The following MEMO1 variants were observed in gnomAD, a reference collection of about 807,000 sequenced individuals.
MEMO1 encodes protein MEMO1.
MEMO1 carries 6 observed loss-of-function variants against 45.2 expected under a neutral mutation model. The observed-to-expected ratio is 0.13, with a 90% CI of 0.07 to 0.26. The LOEUF (loss-of-function observed/expected upper bound fraction) is 0.26. Among genes scored for constraint, MEMO1 ranks in the 10% least tolerant of loss-of-function variants. MEMO1 has a pLI of 1.00. For missense variants in MEMO1, 184 were observed against 370.5 expected (o/e 0.50, Z 4.13); for synonymous variants, 78 against 124.3 (o/e 0.63, Z 2.48).
At chr2:31,988,614 C>T (rs1282126721) in intron 2 of MEMO1, among the ~76,000 whole-genome samples, 2 of 152,166 alleles carry the variant, frequency 1.3e-5, no homozygotes, top group African/African-American at 2.4e-5. Flanking sequence ...GCAGTAGCAC[C>T]GAACTACAGT....
At chr2:31,895,364 A>C (rs148501417) in intron 6 of MEMO1, among the ~76,000 whole-genome samples, 1 of 152,356 alleles carries the variant, frequency 6.6e-6, no homozygotes, top group Non-Finnish European at 1.5e-5. Context: ...AAAGAACTAC[A>C]GGAAGCCATG....
rs541417308 is a variant in MEMO1 at position 32,002,958 on chromosome 2, G to A, written c.61+7229C>T. Among the ~76,000 whole-genome samples the A allele has an allele frequency of 4.6e-5, 7 of 152,180 alleles. No individual in the cohort carries two copies. In the South Asian group the frequency reaches 8.3e-4, roughly 18 times the overall value. On this transcript the variant is annotated intron_variant, in intron 2 of 9. Transcript: ENST00000404530. ...TCTGCAAGGTAAAATAATAGGATGGGATGCAAAGAAAAATCAGCATACAGA... is the reference window on the plus strand; with the variant it reads ...TCTGCAAGGTAAAATAATAGGATGGAATGCAAAGAAAAATCAGCATACAGA...
At chr2:31,878,377 T>C (rs1674872522) in intron 8 of MEMO1, among the ~76,000 whole-genome samples, 1 of 152,178 alleles carries the variant, frequency 6.6e-6, no homozygotes, top group African/African-American at 2.4e-5. Context: ...AGTAACATGA[T>C]CTGATTTAGA....
chr2:31,937,763 A>C (rs1665089700), intron 3 of MEMO1, among the ~76,000 whole-genome samples: 1 of 152,190 alleles, frequency 6.6e-6, no homozygotes, highest in African/African-American at 2.4e-5. Context: ...TAAATGTATA[A>C]GGGGGGCTTC....
At chr2:31,902,454 T>C (rs1271892448) in intron 6 of MEMO1, among the ~76,000 whole-genome samples, 1 of 151,604 alleles carries the variant, frequency 6.6e-6, no homozygotes, top group Non-Finnish European at 1.5e-5. Context: ...AGTGTATAAA[T>C]CATACCTCAA....
At chr2:31,947,026 C>T (rs2148339344) in intron 2 of MEMO1, among the ~76,000 whole-genome samples, 1 of 152,216 alleles carries the variant, frequency 6.6e-6, no homozygotes, top group Middle Eastern at 3.4e-3. Flanking sequence ...GCTATACCAT[C>T]TAGGTTGGCA....
intron 8 of MEMO1, among the ~76,000 whole-genome samples, chr2:31,880,470 ATAC>A (rs1301648470): frequency 1.3e-5 from 2 of 152,240 alleles, no homozygotes; most frequent in Non-Finnish European, 2.9e-5. Context: ...TTAATAAAAT[ATAC>A]TACATGATAT....
chr2:31,929,727 G>A (rs1403261793), intron 4 of MEMO1, among the ~76,000 whole-genome samples: 1 of 152,192 alleles, frequency 6.6e-6, no homozygotes, highest in African/African-American at 2.4e-5. Context: ...GATCCTGGCT[G>A]AAATATAGAA....
chr2:31,964,811 T>C (rs967766854), intron 2 of MEMO1, among the ~76,000 whole-genome samples: 2 of 152,040 alleles, frequency 1.3e-5, no homozygotes, highest in East Asian at 1.9e-4. Flanking sequence ...AGTATTGTGG[T>C]TATGTTTTAA....
chr2:31,892,794 C>CA (rs1677163492), intron 6 of MEMO1, among the ~76,000 whole-genome samples: 1 of 152,122 alleles, frequency 6.6e-6, no homozygotes, highest in Non-Finnish European at 1.5e-5. Context: ...CACACCCACC[C>CA]ACAATGTTTA....
chr2:31,892,183 A>C (rs1176584683), intron 6 of MEMO1, 49 bp from the exon 7 acceptor site: 2 of 1,502,906 alleles, frequency 1.3e-6, no homozygotes, highest in East Asian at 2.3e-5. Flanking sequence ...TGCTTAAATG[A>C]AAGTTTTCCA....
At chr2:31,960,519 T>C (rs1453597729) in intron 2 of MEMO1, among the ~76,000 whole-genome samples, 1 of 152,196 alleles carries the variant, frequency 6.6e-6, no homozygotes, top group Non-Finnish European at 1.5e-5. Context: ...ATTCAATAAT[T>C]ACAATAAATT....
intron 3 of MEMO1, among the ~76,000 whole-genome samples, chr2:31,933,335 A>AT (rs1558514060): frequency 4.7e-5 from 3 of 63,762 alleles, no homozygotes; most frequent in African/African-American, 2.1e-4. Flanking sequence ...AAAAAAAAAA[A>AT]AAAAAAAAAA....
intron 2 of MEMO1, among the ~76,000 whole-genome samples, chr2:31,957,830 GC>G (rs1405272999): frequency 6.6e-6 from 1 of 152,192 alleles, no homozygotes; most frequent in Non-Finnish European, 1.5e-5. Context: ...AAGTTAAATT[GC>G]CTTCTGAAGT....
chr2:31,998,972 C>T (rs1246307526), intron 2 of MEMO1, among the ~76,000 whole-genome samples: 1 of 152,152 alleles, frequency 6.6e-6, no homozygotes, highest in Non-Finnish European at 1.5e-5. Flanking sequence ...CAAACTTGTT[C>T]CTCTTAGATC....
chr2:31,942,596 C>A (rs939028512), intron 3 of MEMO1, among the ~76,000 whole-genome samples: 1 of 151,772 alleles, frequency 6.6e-6, no homozygotes, highest in African/African-American at 2.4e-5. Flanking sequence ...ACCTCCACCT[C>A]CCAAGCTTAA....
chr2:31,884,701 A>G (rs1675924636), intron 7 of MEMO1, among the ~76,000 whole-genome samples: 1 of 152,170 alleles, frequency 6.6e-6, no homozygotes, highest in Non-Finnish European at 1.5e-5. Context: ...AAAATATGTC[A>G]TATTTCCTTA....
At chr2:31,910,867 T>C (rs1265428468) in intron 6 of MEMO1, among the ~76,000 whole-genome samples, 1 of 151,406 alleles carries the variant, frequency 6.6e-6, no homozygotes, top group Non-Finnish European at 1.5e-5. Context: ...CTCAAAAAAA[T>C]AAAAAATAAA....
chr2:31,943,875 C>T (rs536799999), intron 2 of MEMO1, among the ~76,000 whole-genome samples: 5 of 152,284 alleles, frequency 3.3e-5, no homozygotes, highest in South Asian at 4.1e-4. Context: ...CCAGTAACTA[C>T]GCTACCTTAA....
Sources: allele counts gnomAD v4.1 joint callset (sites outside exome capture counted in the v4.1 genomes callset), GRCh38; gene constraint gnomAD v4.1.1; transcripts MANE v1.5; gene names NCBI Gene and HGNC (gene_info 2026-07-23, HGNC 2026-07-21).